Variants in GRIP1 observed in about 807,000 individuals in gnomAD.
GRIP1 encodes glutamate receptor interacting protein 1.
GRIP1 carries 45 observed loss-of-function variants against 129.9 expected under a neutral mutation model. The ratio of observed to expected loss-of-function variants is 0.35; its 90% confidence interval spans 0.27 to 0.44. The LOEUF is 0.44. Ranked by LOEUF, GRIP1 falls within the 20% of genes least tolerant of loss-of-function variation. The probability of loss-of-function intolerance (pLI) is 1.00; values close to 1 mark genes in which losing one functional copy is unlikely to be tolerated. For missense variants in GRIP1, 1,196 were observed against 1,396.8 expected, an observed-to-expected ratio of 0.86 and a Z score of 2.29; for synonymous variants, 530 against 520.8, an observed-to-expected ratio of 1.02 and a Z score of -0.24.
At chr12:66,532,693 T>C (rs1295866508) in intron 4 of GRIP1, among the ~76,000 whole-genome samples, 2 of 152,150 alleles carry the variant, frequency 1.3e-5, no homozygotes, top group Non-Finnish European at 2.9e-5. Context: ...TCCAGGTAGC[T>C]GCTGCTCCCT....
intron 1 of GRIP1, among the ~76,000 whole-genome samples, chr12:67,039,583 G>A (rs1289658502): frequency 6.6e-6 from 1 of 152,120 alleles, no homozygotes; most frequent in East Asian, 1.9e-4. Flanking sequence ...TTTCCAGAAA[G>A]AGTACTGCAA....
chr12:66,951,722 G>A (rs7959491), intron 1 of GRIP1, among the ~76,000 whole-genome samples: 5,028 of 152,266 alleles, frequency 0.033, 184 homozygotes, highest in African/African-American at 0.086. Context: ...TTAGCCTTGC[G>A]TATCTGGAGA....
chr12:67,018,149 T>A (rs969513385), intron 1 of GRIP1, among the ~76,000 whole-genome samples: 1 of 152,114 alleles, frequency 6.6e-6, no homozygotes, highest in African/African-American at 2.4e-5. Flanking sequence ...CCTTTCTCAG[T>A]GGGTTCTGTC....
At chr12:66,948,741 GGAA>G (rs1264912657) in intron 1 of GRIP1, among the ~76,000 whole-genome samples, 1 of 152,108 alleles carries the variant, frequency 6.6e-6, no homozygotes, top group African/African-American at 2.4e-5. Context: ...ATAGGTAAAT[GGAA>G]GAAGAGAAAG....
chr12:66,354,228 C>T (rs2054371113), intron 23 of GRIP1, among the ~76,000 whole-genome samples: 1 of 152,176 alleles, frequency 6.6e-6, no homozygotes, highest in Non-Finnish European at 1.5e-5. Context: ...GCCCCCCACC[C>T]CGGGTCTCTC....
intron 1 of GRIP1, among the ~76,000 whole-genome samples, chr12:66,911,906 A>T (rs150211595): frequency 1.0e-3 from 156 of 152,324 alleles, no homozygotes; most frequent in African/African-American, 3.4e-3. Flanking sequence ...AGCATCTGAG[A>T]TATGTTGCCT....
intron 16 of GRIP1, among the ~76,000 whole-genome samples, chr12:66,401,609 T>TATATATATATACACATACACACAC: frequency 9.1e-6 from 1 of 110,192 alleles, no homozygotes; most frequent in African/African-American, 3.7e-5. Context: ...TATATATATA[T>TATATATATATACACATACACACAC]ACACACACAC....
intron 16 of GRIP1, among the ~76,000 whole-genome samples, chr12:66,398,090 C>G (rs879794872): frequency 6.6e-6 from 1 of 152,194 alleles, no homozygotes; most frequent in Non-Finnish European, 1.5e-5. Flanking sequence ...AAGGGCCCCA[C>G]TGTGGCTCTG....
chr12:66,524,041 G>T (rs12366460), intron 5 of GRIP1, among the ~76,000 whole-genome samples: 10,544 of 152,190 alleles, frequency 0.069, 462 homozygotes, highest in Admixed American at 0.14. Flanking sequence ...AGTCCTTAGT[G>T]ACCTACAAAG....
In GRIP1 at chr12:66,455,413, G is replaced by A. The variant is rs770203583; in HGVS notation, c.1350C>T (p.Ser450=). The A allele has an allele frequency of 5.6e-6, 9 of 1,613,932 alleles. No individual in the cohort carries two copies. The highest frequency in any genetic ancestry group is 7.6e-6 in the Non-Finnish European group (9 of 1,179,936). Reference sequence around the variant, plus strand: ...ATTGGCTGTCATTTCACTTACATGAGCTTTTGAAGTCTTTCTTTTTCAGTC... The same window carrying A: ...ATTGGCTGTCATTTCACTTACATGAACTTTTGAAGTCTTTCTTTTTCAGTC... ...RRRLKKKDFK[S]SLSLASSTVG... Residue 450 remains serine, a synonymous_variant, in exon 11 of 25, where the codon AGC becomes AGT. Coordinates refer to ENST00000359742, the MANE Select transcript of GRIP1 (RefSeq NM_001366722.1).
At chr12:66,762,741 G>C (rs922817931) in intron 1 of GRIP1, among the ~76,000 whole-genome samples, 3 of 152,156 alleles carry the variant, frequency 2.0e-5, no homozygotes, top group African/African-American at 7.2e-5. Flanking sequence ...TTTATTTAAA[G>C]GAGACAGACA....
chr12:66,950,589 TCAGAAGATGA>T (rs1458984529), intron 1 of GRIP1, among the ~76,000 whole-genome samples: 1 of 152,048 alleles, frequency 6.6e-6, no homozygotes, highest in African/African-American at 2.4e-5. Flanking sequence ...ATAGAAAAGA[TCAGAAGATGA>T]CAGAATAGAA....
chr12:66,764,570 T>A (rs1397685300), intron 1 of GRIP1, among the ~76,000 whole-genome samples: 1 of 152,170 alleles, frequency 6.6e-6, no homozygotes, highest in East Asian at 1.9e-4. Context: ...AATGAATGGG[T>A]TACAATTACT....
At chr12:67,052,903 G>A (rs570331266) in intron 1 of GRIP1, among the ~76,000 whole-genome samples, 2 of 152,210 alleles carry the variant, frequency 1.3e-5, no homozygotes, top group African/African-American at 4.8e-5. Flanking sequence ...AAATCTATAG[G>A]ACCACTTAGT....
intron 1 of GRIP1, among the ~76,000 whole-genome samples, chr12:66,694,803 C>T (rs996037141): frequency 6.6e-6 from 1 of 151,988 alleles, no homozygotes; most frequent in Non-Finnish European, 1.5e-5. Flanking sequence ...CTTCCATATC[C>T]CAGGGAATAG....
intron 2 of GRIP1, among the ~76,000 whole-genome samples, chr12:66,580,180 T>G (rs1415665433): frequency 2.0e-5 from 3 of 147,200 alleles, no homozygotes; most frequent in African/African-American, 7.5e-5. Flanking sequence ...GAAGGAGAAA[T>G]AAAATACTTT....
intron 1 of GRIP1, among the ~76,000 whole-genome samples, chr12:66,899,735 C>T (rs1414605942): frequency 1.3e-5 from 2 of 152,184 alleles, no homozygotes; most frequent in Non-Finnish European, 2.9e-5. Context: ...ATTGCTCATG[C>T]ATGCAGAACT....
At chr12:66,997,675 G>T (rs2042489536) in intron 1 of GRIP1, among the ~76,000 whole-genome samples, 1 of 152,136 alleles carries the variant, frequency 6.6e-6, no homozygotes, top group Admixed American at 6.6e-5. Flanking sequence ...TGTTGACGCA[G>T]AAACCAATGC....
chr12:66,928,778 C>T lies in GRIP1; in HGVS notation c.58+140272G>A, dbSNP rs140204985. On this transcript the variant is annotated intron_variant, in intron 1 of 1. Transcript: ENST00000643019. ...TAAAAATGCAAGAGGAATTTGTATT[C>T]TAGTGCAGAATATTATTGACATATA... is the stretch of plus-strand genomic sequence containing the variant. Among the ~76,000 whole-genome samples the T allele has an allele frequency of 1.3e-4, 20 of 152,296 alleles. 1 individual carries two copies. In the East Asian group the frequency reaches 3.9e-3, roughly 29 times the overall value.
Sources: allele counts gnomAD v4.1 joint callset (sites outside exome capture counted in the v4.1 genomes callset), GRCh38; gene constraint gnomAD v4.1.1; transcripts MANE v1.5; gene names NCBI Gene and HGNC (gene_info 2026-07-23, HGNC 2026-07-21).